PARP16: variants seen among roughly 807,000 people sequenced by gnomAD.
PARP16 encodes the protein poly(ADP-ribose) polymerase family member 16.
In PARP16, 31 loss-of-function variants were observed where a neutral mutation model predicts 35.0. The observed-to-expected ratio is 0.88, with a 90% CI of 0.66 to 1.19. The LOEUF is 1.19. Ranked by LOEUF, PARP16 falls within the 50% of genes most tolerant of loss-of-function variation. PARP16 has a pLI of 0.00. For synonymous variants in PARP16, 162 were observed against 169.5 expected, an observed-to-expected ratio of 0.96 and a Z score of 0.34; for missense variants, 424 against 411.2, an observed-to-expected ratio of 1.03 and a Z score of -0.27.
chr15:65,245,126 A>G (rs1010362816), intron 3 of PARP16, among the ~76,000 whole-genome samples: 4 of 152,206 alleles, frequency 2.6e-5, no homozygotes, highest in Non-Finnish European at 5.9e-5. Flanking sequence ...GCTGCTCCTC[A>G]GTAATTCTGC....
downstream of PARP16, among the ~76,000 whole-genome samples, chr15:65,231,649 C>T (rs796720291): frequency 3.9e-5 from 6 of 151,950 alleles, no homozygotes; most frequent in African/African-American, 1.2e-4. Flanking sequence ...AGTTTCACCA[C>T]GTTGGCCAGG....
At chr15:65,266,122 T>A (rs2089883565) in intron 3 of PARP16, among the ~76,000 whole-genome samples, 1 of 151,844 alleles carries the variant, frequency 6.6e-6, no homozygotes, top group African/African-American at 2.4e-5. Flanking sequence ...ATGGATGGGG[T>A]TTCACCACGT....
intron 2 of PARP16, among the ~76,000 whole-genome samples, chr15:65,268,364 T>C (rs1306857394): frequency 1.3e-5 from 2 of 151,976 alleles, no homozygotes; most frequent in East Asian, 3.9e-4. Flanking sequence ...CCCAGAAATG[T>C]AAGTGAGGCC....
chr15:65,252,600 C>T (rs1373429067), intron 2 of PARP16, among the ~76,000 whole-genome samples: 2 of 152,194 alleles, frequency 1.3e-5, no homozygotes, highest in Admixed American at 1.3e-4. Flanking sequence ...TCACTGGGGT[C>T]CTCCTTTGGC....
At chr15:65,232,673 CAGA>C (rs1448235061), downstream of PARP16, among the ~76,000 whole-genome samples, 2 of 152,124 alleles carry the variant, frequency 1.3e-5, no homozygotes, top group African/African-American at 4.8e-5. Context: ...GAGGCAGAGG[CAGA>C]AGGTTAGCTT....
At chr15:65,264,524 TA>T (rs2089832201) in intron 3 of PARP16, among the ~76,000 whole-genome samples, 1 of 152,194 alleles carries the variant, frequency 6.6e-6, no homozygotes, top group African/African-American at 2.4e-5. Flanking sequence ...AAGTGAAGCT[TA>T]GGGGAAATGA....
chr15:65,260,559 C>T lies in PARP16; in HGVS notation c.833+326G>A, dbSNP rs138759312. Among the ~76,000 whole-genome samples the T allele has an allele frequency of 8.4e-4, 128 of 152,334 alleles. 1 individual carries two copies. The highest frequency in any genetic ancestry group is 3.0e-3 in the African/African-American group (123 of 41,580). On this transcript the variant is annotated intron_variant, in intron 5 of 5. Transcript: ENST00000649807. ...GTCACTGCCCTGCCTCTCAGCTTAA[C>T]CTCATCGGTGGGTCTCAGACTGCAA...
intron 2 of PARP16, among the ~76,000 whole-genome samples, chr15:65,249,088 G>A (rs1214257483): frequency 6.6e-6 from 1 of 152,136 alleles, no homozygotes; most frequent in Admixed American, 6.5e-5. Flanking sequence ...CCTAGGGGAC[G>A]AAAACACTCC....
chr15:65,271,005 C>T lies in PARP16; in HGVS notation c.242G>A (p.Arg81Gln), dbSNP rs764106346. The T allele has an allele frequency of 5.0e-6, 8 of 1,614,008 alleles. No homozygotes were observed. The highest frequency in any genetic ancestry group is 1.3e-5 in the African/African-American group (1 of 75,026). The change falls in exon 2 of 6, where the codon CGG (arginine) becomes CAG (glutamine). Residue 81 changes from arginine (R) to glutamine (Q), a missense_variant. Transcript: ENST00000649807. ...LLQSSGDNHK[R>Q]AWDLVSWILS... ...AATCCAGCTCACCAGGTCCCAGGCCCGTTTGTGGTTGTCTCCGGAGGACTG... is the reference window on the plus strand; with the variant it reads ...AATCCAGCTCACCAGGTCCCAGGCCTGTTTGTGGTTGTCTCCGGAGGACTG...
intron 1 of PARP16, among the ~76,000 whole-genome samples, chr15:65,276,186 C>T (rs944683598): frequency 2.6e-5 from 4 of 152,122 alleles, no homozygotes; most frequent in Admixed American, 2.0e-4. Context: ...TTTCACTTTG[C>T]GTGTTACTCT....
intron 2 of PARP16, among the ~76,000 whole-genome samples, chr15:65,269,182 T>TTC (rs57716045): frequency 2.0e-5 from 3 of 149,358 alleles, no homozygotes; most frequent in African/African-American, 7.5e-5. Flanking sequence ...GTTTTTTTCT[T>TTC]TCTTTCTTTC....
intron 1 of PARP16, among the ~76,000 whole-genome samples, chr15:65,279,074 A>G (rs2090344339): frequency 6.6e-6 from 1 of 152,222 alleles, no homozygotes; most frequent in South Asian, 2.1e-4. Context: ...AGGAGGAGCC[A>G]GCATGGGGAC....
chr15:65,254,673 G>A (rs1368143537), downstream of PARP16, among the ~76,000 whole-genome samples: 1 of 152,280 alleles, frequency 6.6e-6, no homozygotes, highest in African/African-American at 2.4e-5. Context: ...GCAACGGGAT[G>A]AATGCTGCTG....
intron 1 of PARP16, among the ~76,000 whole-genome samples, chr15:65,278,529 T>G (rs911220283): frequency 6.6e-6 from 1 of 151,964 alleles, no homozygotes; most frequent in African/African-American, 2.4e-5. Context: ...AAGAGGTACT[T>G]TGGGTGAATA....
intron 3 of PARP16, among the ~76,000 whole-genome samples, chr15:65,247,939 G>A (rs2089254567): frequency 6.6e-6 from 1 of 151,796 alleles, no homozygotes. Context: ...TGAGTAGCTG[G>A]GACTACAGGC....
At chr15:65,271,824 T>C (rs910328875) in intron 1 of PARP16, among the ~76,000 whole-genome samples, 4 of 152,216 alleles carry the variant, frequency 2.6e-5, no homozygotes, top group African/African-American at 9.7e-5. Flanking sequence ...TTCTGTTAAG[T>C]TGTTCCCCTG....
downstream of PARP16, among the ~76,000 whole-genome samples, chr15:65,231,392 C>G (rs2088777306): frequency 6.6e-6 from 1 of 150,958 alleles, no homozygotes; most frequent in African/African-American, 2.4e-5. Context: ...CTTTTCTATT[C>G]TTTTTGGCTT....
At position 65,242,876 on chromosome 15, in the gene PARP16, G is replaced by A. The variant is rs925552214; in HGVS notation, c.*97+5241C>T. On this transcript the variant is annotated intron_variant and NMD_transcript_variant, in intron 3 of 3. Transcript: ENST00000559805. ...ATTACAGGTGCCTGCCACCACTCCT[G>A]GCTAATTTTTGTATTTTTAGTAGAG... 1.6e-4 allele frequency among the ~76,000 whole-genome samples: 24 copies of A among 151,838 alleles called. No individual in the cohort carries two copies. In the South Asian group the frequency reaches 2.1e-3, roughly 13 times the overall value.
In PARP16 at chr15:65,261,120, G is replaced by C. The variant is rs1484429776; in HGVS notation, c.692-94C>G. ...AATAAGTCAAGCCTCCTGGTGCTGA[G>C]GGGGAAGAAGGCCTGGCAGGCTGAG... On this transcript the variant is annotated intron_variant, in intron 4 of 5. Coordinates refer to ENST00000649807, the MANE Select transcript of PARP16 (RefSeq NM_001316943.2). 44 of 1,180,882 alleles carry C rather than the reference G, an allele frequency of 3.7e-5. No individual in the cohort carries two copies. The East Asian group carries it at 9.5e-4, about 26-fold the overall frequency. The allele number at this position is 1,180,882 out of a possible 1,614,324, so 73.2% of individuals were successfully genotyped here. A position where few individuals can be genotyped will look rare whatever the true frequency, so the allele number is the denominator to read the frequency against.
Sources: allele counts gnomAD v4.1 joint callset (sites outside exome capture counted in the v4.1 genomes callset), GRCh38; gene constraint gnomAD v4.1.1; transcripts MANE v1.5; gene names NCBI Gene and HGNC (gene_info 2026-07-23, HGNC 2026-07-21).